Variants in ANKRD12 observed in about 807,000 individuals in gnomAD.
ANKRD12 encodes ankyrin repeat domain-containing protein 12.
A neutral mutation model predicts 183.4 loss-of-function variants in ANKRD12; 85 were observed. That is an observed-to-expected ratio of 0.46 (90% CI 0.39 to 0.56). The LOEUF is 0.56. Ranked by LOEUF, ANKRD12 falls within the 20% of genes least tolerant of loss-of-function variation. The probability of loss-of-function intolerance (pLI) is 0.00; values close to 1 mark genes in which losing one functional copy is unlikely to be tolerated. For missense variants in ANKRD12, 2,405 were observed against 2,357.1 expected, an observed-to-expected ratio of 1.02 and a Z score of -0.42; for synonymous variants, 914 against 800.2, an observed-to-expected ratio of 1.14 and a Z score of -2.40.
intron 8 of ANKRD12, among the ~76,000 whole-genome samples, chr18:9,234,460 C>T (rs989255819): frequency 1.3e-5 from 2 of 152,150 alleles, no homozygotes; most frequent in Non-Finnish European, 2.9e-5. Flanking sequence ...GCTTTAGTTT[C>T]CTTTGTCCCA....
At chr18:9,231,557 GTGGCTCGAGCCTGTAATCCCAGCACTT>G (rs528161643) in intron 8 of ANKRD12, among the ~76,000 whole-genome samples, 3 of 152,050 alleles carry the variant, frequency 2.0e-5, no homozygotes, top group African/African-American at 7.2e-5. Context: ...GCCGGGCGCG[GTGGCTCGAGCCTGTAATCCCAGCACTT>G]TGGGAGGCCG....
At chr18:9,239,375 C>A in intron 8 of ANKRD12, 1 of 259,686 alleles carries the variant, frequency 3.9e-6, no homozygotes, top group Non-Finnish European at 6.4e-6. Flanking sequence ...TTTATTTCAA[C>A]TTACATGTTT....
intron 8 of ANKRD12, among the ~76,000 whole-genome samples, chr18:9,231,705 G>A (rs1244260968): frequency 1.3e-5 from 2 of 151,092 alleles, no homozygotes; most frequent in Admixed American, 1.3e-4. Context: ...GGCGCCTGTA[G>A]TCCCAGCTAC....
chr18:9,142,890 AAAAT>A (rs1310971356), intron 1 of ANKRD12, among the ~76,000 whole-genome samples: 1 of 152,222 alleles, frequency 6.6e-6, no homozygotes, highest in Non-Finnish European at 1.5e-5. Flanking sequence ...TCCAAAAAAA[AAAAT>A]TAGTTGTAAT....
At position 9,258,238 on chromosome 18, in the gene ANKRD12, A is replaced by G. The variant is rs777125203; in HGVS notation, c.4971A>G (p.Ala1657=). The change falls in exon 9 of 13, where the codon GCA becomes GCG. Residue 1657 remains alanine (A), a synonymous_variant. Transcript: ENST00000262126. ...ATTCTGATTTATGTGAAATGAATGC[A>G]GGGATGCCAAAAGGAAACCTAAATG... is the stretch of plus-strand genomic sequence containing the variant. ...RCDSDLCEMN[A]GMPKGNLNEQ... is the part of the protein sequence containing the mutation. The G allele has an allele frequency of 1.7e-5, 27 of 1,613,714 alleles. No individual in the cohort carries two copies. In the East Asian group the frequency reaches 5.8e-4, roughly 35 times the overall value.
chr18:9,266,716 C>T (rs1194515540), intron 10 of ANKRD12, among the ~76,000 whole-genome samples: 7 of 152,142 alleles, frequency 4.6e-5, no homozygotes, highest in African/African-American at 1.7e-4. Flanking sequence ...AACTAACAAG[C>T]AAAATAACCA....
At position 9,254,262 on chromosome 18, in the gene ANKRD12, A is replaced by G; in HGVS notation, c.995A>G (p.Asp332Gly). 6.3e-7 allele frequency: 1 copy of G among 1,599,218 alleles called. No homozygotes were observed. The highest frequency in any genetic ancestry group is 8.5e-7 in the Non-Finnish European group (1 of 1,175,526). The change falls in exon 9 of 13, where the codon GAC (aspartate) becomes GGC (glycine). Residue 332 changes from aspartate (D) to glycine (G), a missense_variant. Transcript: ENST00000262126. ...VNPSSVDENI[D>G]SETEKDSLIC... is the part of the protein sequence containing the mutation. ...CCTTCTAGTGTTGATGAAAATATTG[A>G]CTCTGAAACAGAGAAAGACTCTCTC...
At chr18:9,179,113 T>C (rs1484788789) in intron 1 of ANKRD12, among the ~76,000 whole-genome samples, 2 of 152,234 alleles carry the variant, frequency 1.3e-5, no homozygotes, top group Non-Finnish European at 2.9e-5. Flanking sequence ...AATTTTTATA[T>C]ATTGACCATG....
chr18:9,150,077 A>C (rs760078304), intron 1 of ANKRD12, among the ~76,000 whole-genome samples: 4 of 152,194 alleles, frequency 2.6e-5, no homozygotes, highest in Non-Finnish European at 5.9e-5. Context: ...TACAGGAGTG[A>C]ACCATCGTGC....
intron 9 of ANKRD12, among the ~76,000 whole-genome samples, chr18:9,263,031 C>T (rs1458921894): frequency 6.6e-6 from 1 of 151,650 alleles, no homozygotes; most frequent in African/African-American, 2.4e-5. Context: ...CTACTAACCT[C>T]GTGATCCACC....
intron 2 of ANKRD12, among the ~76,000 whole-genome samples, chr18:9,189,953 TTA>T (rs2034348540): frequency 6.6e-6 from 1 of 152,214 alleles, no homozygotes; most frequent in African/African-American, 2.4e-5. Flanking sequence ...ACAAGTCTTA[TTA>T]AAGAAGTATG....
At position 9,258,621 on chromosome 18, in the gene ANKRD12, G is replaced by A. The variant is rs372656011; in HGVS notation, c.5354G>A (p.Arg1785Gln). Reference sequence around the variant, plus strand: ...GACGATCCTCAAATTCACCATCCACGGAAAAGGAAAGTGTCACGTGTACCT... The same window carrying A: ...GACGATCCTCAAATTCACCATCCACAGAAAAGGAAAGTGTCACGTGTACCT... Reference protein sequence around the residue: ...EDDDPQIHHPRKRKVSRVPQP... With the variant: ...EDDDPQIHHPQKRKVSRVPQP... Residue 1785 changes from arginine to glutamine, a missense_variant, in exon 9 of 13, where the codon CGG becomes CAG. By Grantham distance (43) the Arg-to-Gln change is conservative (BLOSUM62 1). This residue lies in a region of ANKRD12 where 1,983 missense variants were observed against 1,725.9 expected (regional missense o/e 1.15). Coordinates refer to ENST00000262126, the MANE Select transcript of ANKRD12 (RefSeq NM_015208.5). 6.2e-7 allele frequency: 1 copy of A among 1,613,852 alleles called. No individual in the cohort carries two copies. Among genetic ancestry groups the A allele is most frequent in the Admixed American group, 1.7e-5 (1 of 59,948 alleles).
chr18:9,266,691 G>T (rs1317991267), intron 10 of ANKRD12, among the ~76,000 whole-genome samples: 8 of 152,156 alleles, frequency 5.3e-5, no homozygotes, highest in African/African-American at 1.9e-4. Flanking sequence ...ATCAATGCTA[G>T]GAAGAAATTG....
Position 9,255,498 on chromosome 18 carries a change from A to T in ANKRD12, c.2231A>T (p.Glu744Val). The change falls in exon 9 of 13, where the codon GAG becomes GTG. Residue 744 changes from glutamate to valine, a missense_variant. By Grantham distance (121) the Glu-to-Val change is moderately radical. This residue lies in a region of ANKRD12 where 1,983 missense variants were observed against 1,725.9 expected (regional missense o/e 1.15). Transcript: ENST00000262126. ...KSTKEKHVSK[E>V]RNFKEERDKI... is the part of the protein sequence containing the mutation. ...ACCAAGGAAAAGCATGTGTCAAAAG[A>T]GAGGAACTTTAAAGAGGAACGAGAC... 1 of 1,572,766 alleles carries T rather than the reference A, an allele frequency of 6.4e-7. No homozygotes were observed.
chr18:9,172,950 A>G (rs1009561609), intron 1 of ANKRD12, among the ~76,000 whole-genome samples: 3 of 151,104 alleles, frequency 2.0e-5, no homozygotes, highest in Admixed American at 6.6e-5. Flanking sequence ...TGCCCAGGCT[A>G]GAGTACAGTG....
chr18:9,213,069 A>G (rs981375648), intron 6 of ANKRD12, among the ~76,000 whole-genome samples: 1 of 151,800 alleles, frequency 6.6e-6, no homozygotes, highest in Non-Finnish European at 1.5e-5. Flanking sequence ...TTCATCTTTT[A>G]TGTATCATAT....
intron 10 of ANKRD12, among the ~76,000 whole-genome samples, chr18:9,265,467 C>T (rs945265753): frequency 5.3e-5 from 8 of 152,134 alleles, no homozygotes; most frequent in Non-Finnish European, 2.9e-5. Context: ...TTGCTGTTCA[C>T]CAATATCTGC....
At chr18:9,137,649 T>C (rs1380534379) in intron 1 of ANKRD12, 1 of 152,152 alleles carries the variant, frequency 6.6e-6, no homozygotes, top group Non-Finnish European at 1.5e-5. Flanking sequence ...GCTTTAGTAG[T>C]GTCCGGGGAA....
At position 9,256,734 on chromosome 18, in the gene ANKRD12, C is replaced by G. The variant is rs773610909; in HGVS notation, c.3467C>G (p.Pro1156Arg). 1 of 1,612,664 alleles carries G rather than the reference C, an allele frequency of 6.2e-7. No homozygotes were observed. Among genetic ancestry groups the G allele is most frequent in the South Asian group, 1.1e-5 (1 of 90,812 alleles). The change falls in exon 9 of 13, where the codon CCT (proline) becomes CGT (arginine). Residue 1156 changes from proline to arginine, a missense_variant. Transcript: ENST00000262126. ...GATGCATATACCAAGGAGAAACAAC[C>G]TAAAGATGCTGTAAGTAACAGATCA... ...VTDAYTKEKQ[P>R]KDAVSNRSQS...
Sources: allele counts gnomAD v4.1 joint callset (sites outside exome capture counted in the v4.1 genomes callset), GRCh38; gene constraint gnomAD v4.1.1; regional missense constraint gnomAD v4.1.1; transcripts MANE v1.5; gene names NCBI Gene and HGNC (gene_info 2026-07-23, HGNC 2026-07-21).